WDR64: variants seen among roughly 807,000 people sequenced by gnomAD.
The protein encoded by WDR64 is WD repeat domain 64, also known as WD repeat-containing protein 64.
WDR64 carries 112 observed loss-of-function variants against 139.3 expected under a neutral mutation model. That is an observed-to-expected ratio of 0.80 (90% CI 0.69 to 0.94). The LOEUF (loss-of-function observed/expected upper bound fraction) is 0.94, where lower values mean the gene tolerates loss of function less well. WDR64 is among the 40% of genes least tolerant of loss of function. The pLI, the probability that WDR64 is intolerant of heterozygous loss-of-function variation, is 0.00. For synonymous variants in WDR64, 444 were observed against 437.7 expected (o/e 1.01, Z -0.18); for missense variants, 1,206 against 1,293.1 (o/e 0.93, Z 1.03).
At chr1:241,763,142 A>G (rs1412675352) in intron 15 of WDR64, among the ~76,000 whole-genome samples, 1 of 152,216 alleles carries the variant, frequency 6.6e-6, no homozygotes, top group Non-Finnish European at 1.5e-5. Context: ...AATCTTATTT[A>G]TAGCTAATAA....
rs140026375 is a variant in WDR64 at position 241,722,701 on chromosome 1, A to G, written c.1055-596A>G. Among the ~76,000 whole-genome samples the G allele has an allele frequency of 5.9e-3, 905 of 152,284 alleles. 12 individuals carry two copies. The highest frequency in any genetic ancestry group is 0.018 in the African/African-American group (738 of 41,572). On this transcript the variant is annotated intron_variant, in intron 9 of 27. Transcript: ENST00000437684. ...TAACAGTGATTTCCCACAGGGAGTT[A>G]GAGATTATGGAGGAAAAGACATTTT...
intron 1 of WDR64, among the ~76,000 whole-genome samples, chr1:241,659,046 C>A (rs1164099370): frequency 3.3e-5 from 5 of 152,112 alleles, no homozygotes; most frequent in Admixed American, 3.3e-4. Flanking sequence ...CTTCCTCATG[C>A]TCTCCCTCCA....
intron 8 of WDR64, among the ~76,000 whole-genome samples, chr1:241,701,220 CCTT>C (rs1319824933): frequency 6.6e-6 from 1 of 152,314 alleles, no homozygotes; most frequent in Middle Eastern, 3.4e-3. Context: ...TTCACAATCT[CCTT>C]CTCTTAATTC....
In WDR64 at chr1:241,713,559, A is replaced by G. The variant is rs547113178; in HGVS notation, c.1054+1678A>G. ...GAAGGGAGGGAGGGAGGGAGGGAGGAAGGATGCCTACTTCATAGGATGGTG... is the reference window on the plus strand; with the variant it reads ...GAAGGGAGGGAGGGAGGGAGGGAGGGAGGATGCCTACTTCATAGGATGGTG... On this transcript the variant is annotated intron_variant, in intron 9 of 27. Coordinates refer to ENST00000437684, the MANE Select transcript of WDR64 (RefSeq NM_001367482.1). Among the ~76,000 whole-genome samples the G allele has an allele frequency of 4.2e-3, 630 of 149,284 alleles. 6 individuals are homozygous for G. The highest frequency in any genetic ancestry group is 0.015 in the African/African-American group (614 of 40,074).
intron 8 of WDR64, among the ~76,000 whole-genome samples, chr1:241,694,861 T>C (rs967426207): frequency 6.6e-6 from 1 of 152,226 alleles, no homozygotes; most frequent in African/African-American, 2.4e-5. Flanking sequence ...ATATATCTGT[T>C]ATCCAACAAA....
At chr1:241,735,855 C>CTCTCTGTG (rs1248435698) in intron 10 of WDR64, among the ~76,000 whole-genome samples, 9 of 71,712 alleles carry the variant, frequency 1.3e-4, no homozygotes, top group African/African-American at 3.8e-4. Flanking sequence ...CTCTCTCTCT[C>CTCTCTGTG]TGTGTGTGTG....
At chr1:241,683,445 G>C in intron 6 of WDR64, 42 bp from the exon 7 acceptor site, 1 of 1,536,570 alleles carries the variant, frequency 6.5e-7, no homozygotes, top group South Asian at 1.2e-5. Context: ...TTATTGAACA[G>C]AGCAAAGTAA....
At position 241,656,624 on chromosome 1, in the gene WDR64, T is replaced by A. The variant is rs1184914910; in HGVS notation, c.146-3906T>A. Among the ~76,000 whole-genome samples, 3 of 152,220 alleles carry A rather than the reference T, an allele frequency of 2.0e-5. No individual in the cohort carries two copies. Among genetic ancestry groups the A allele is most frequent in the Admixed American group, 6.5e-5 (1 of 15,280 alleles). ...TTTTGGTAAATAGATCAACATTTGC[T>A]GAGTTTTGAAACTGGAAACCTGAGT... On this transcript the variant is annotated intron_variant, in intron 1 of 27. Transcript: ENST00000437684. The surrounding 1 kb of genome is among the most constrained non-coding windows in gnomAD (Gnocchi z 4.3).
intron 2 of WDR64, 37 bp downstream of exon 2, chr1:241,660,697 T>C (rs1665797671): frequency 6.5e-7 from 1 of 1,541,756 alleles, no homozygotes; most frequent in Non-Finnish European, 8.8e-7. Flanking sequence ...GAAATCCAGG[T>C]ATTATTTTTC....
intron 10 of WDR64, among the ~76,000 whole-genome samples, chr1:241,736,416 A>T (rs937708258): frequency 9.7e-4 from 30 of 31,014 alleles, no homozygotes; most frequent in African/African-American, 2.2e-3. Context: ...GGAAGAGTTT[A>T]AAAAAAAAAA....
intron 8 of WDR64, among the ~76,000 whole-genome samples, chr1:241,690,500 A>AG (rs201692759): frequency 0.011 from 1,657 of 152,138 alleles, 13 homozygotes; most frequent in Middle Eastern, 0.034. Context: ...AATGAGCCAG[A>AG]GGGGAAAAAA....
intron 7 of WDR64, 42 bp downstream of exon 7, chr1:241,683,743 T>C: frequency 7.1e-7 from 1 of 1,408,156 alleles, no homozygotes; most frequent in Non-Finnish European, 9.5e-7. Context: ...TTAATAATTA[T>C]AGTCTTTTGC....
intron 27 of WDR64, among the ~76,000 whole-genome samples, chr1:241,799,462 T>C (rs1659464040): frequency 1.3e-5 from 2 of 152,018 alleles, no homozygotes; most frequent in African/African-American, 2.4e-5. Context: ...AACTCAGTAA[T>C]ATTTCTAATG....
chr1:241,688,725 A>C (rs1667102199), intron 8 of WDR64, among the ~76,000 whole-genome samples: 1 of 152,198 alleles, frequency 6.6e-6, no homozygotes, highest in African/African-American at 2.4e-5. Flanking sequence ...CCCCCTGAAT[A>C]ACCAGTATAG....
rs1017174137 is a variant in WDR64 at position 241,775,185 on chromosome 1, G to A, written c.2511G>A (p.Thr837=). 9.7e-6 allele frequency: 15 copies of A among 1,550,388 alleles called. No individual in the cohort carries two copies. In the Middle Eastern group the frequency reaches 6.7e-4, roughly 69 times the overall value. The change falls in exon 21 of 28, where the codon ACG becomes ACA. Residue 837 remains threonine, a synonymous_variant. Transcript: ENST00000437684. ...SLTSLYTDSC[T]RILLAGNVEG... ...CATCGCTGTATACTGATTCATGTAC[G>A]AGGATACTACTGGCTGGAAATGTGG... is the stretch of plus-strand genomic sequence containing the variant.
At chr1:241,702,051 T>C (rs1054304557) in intron 8 of WDR64, among the ~76,000 whole-genome samples, 1 of 152,214 alleles carries the variant, frequency 6.6e-6, no homozygotes, top group Non-Finnish European at 1.5e-5. Context: ...ATTTCACAAA[T>C]GGAGTTCTGT....
intron 14 of WDR64, among the ~76,000 whole-genome samples, chr1:241,752,371 A>G (rs1382104412): frequency 2.0e-5 from 3 of 152,136 alleles, no homozygotes; most frequent in Non-Finnish European, 4.4e-5. Flanking sequence ...CTTTCTTTTC[A>G]TAAAATAATG....
intron 9 of WDR64, among the ~76,000 whole-genome samples, chr1:241,721,152 A>G (rs1440333307): frequency 6.6e-6 from 1 of 152,108 alleles, no homozygotes; most frequent in East Asian, 1.9e-4. Context: ...CCATTGGTCT[A>G]TGTGTCTCTT....
chr1:241,666,612 G>C (rs1236778299), intron 2 of WDR64, among the ~76,000 whole-genome samples: 3 of 152,152 alleles, frequency 2.0e-5, no homozygotes, highest in African/African-American at 7.2e-5. Context: ...TAACAAAAAT[G>C]CTTAGTGCAC....
Sources: gnomAD v4.1 joint callset for allele counts (sites outside exome capture counted in the v4.1 genomes callset) on GRCh38, gnomAD v4.1.1 for gene constraint, Gnocchi (gnomAD v3.1) non-coding constraint, MANE v1.5 for transcripts, NCBI Gene and HGNC (gene_info 2026-07-23, HGNC 2026-07-21) for gene names.